Variants in AGBL4 observed in about 807,000 individuals in gnomAD.
The protein encoded by AGBL4 is cytosolic carboxypeptidase 6.
AGBL4 carries 58 observed loss-of-function variants against 66.4 expected under a neutral mutation model. The observed-to-expected ratio is 0.87, with a 90% CI of 0.71 to 1.09. AGBL4 has a LOEUF of 1.09. Among genes scored for constraint, AGBL4 ranks in the 50% least tolerant of loss-of-function variants. The pLI is 0.00. For synonymous variants in AGBL4, 234 were observed against 222.9 expected (o/e 1.05, Z -0.44); for missense variants, 579 against 631.0 (o/e 0.92, Z 0.88).
chr1:48,658,191 T>C (rs938503943), intron 7 of AGBL4, among the ~76,000 whole-genome samples: 2 of 152,258 alleles, frequency 1.3e-5, no homozygotes, highest in African/African-American at 4.8e-5. Flanking sequence ...GACCCAGTTC[T>C]GCTGGCTTCA....
intron 1 of AGBL4, among the ~76,000 whole-genome samples, chr1:50,010,527 A>C (rs1006361067): frequency 1.5e-4 from 23 of 151,980 alleles, no homozygotes; most frequent in Non-Finnish European, 2.8e-4. Context: ...AAGCAAAAAA[A>C]CAAAACAAAA....
intron 3 of AGBL4, among the ~76,000 whole-genome samples, chr1:49,359,992 C>T (rs959910704): frequency 2.0e-5 from 3 of 152,092 alleles, no homozygotes; most frequent in Admixed American, 6.6e-5. Context: ...TGAGTGTCGA[C>T]GTGCACCATG....
At chr1:49,880,770 C>T (rs1389132141) in intron 1 of AGBL4, among the ~76,000 whole-genome samples, 1 of 152,022 alleles carries the variant, frequency 6.6e-6, no homozygotes, top group East Asian at 1.9e-4. Flanking sequence ...TTGCTGCCGC[C>T]TTGCAGTTTG....
At chr1:49,917,794 C>G (rs1381018746) in intron 1 of AGBL4, among the ~76,000 whole-genome samples, 1 of 152,188 alleles carries the variant, frequency 6.6e-6, no homozygotes, top group African/African-American at 2.4e-5. Context: ...CTTCTCAGCA[C>G]CACACCACAC....
chr1:48,873,555 T>G (rs1648903341), intron 5 of AGBL4, among the ~76,000 whole-genome samples: 1 of 152,098 alleles, frequency 6.6e-6, no homozygotes, highest in African/African-American at 2.4e-5. Context: ...CTGTGCCCTC[T>G]TTATTTCTCT....
chr1:48,847,231 C>T (rs141645648), intron 6 of AGBL4, among the ~76,000 whole-genome samples: 5,514 of 152,124 alleles, frequency 0.036, 336 homozygotes, highest in African/African-American at 0.13. Flanking sequence ...ACCCAGGAAG[C>T]GGAGGTTGCA....
At chr1:49,415,635 A>G (rs1645410698) in intron 3 of AGBL4, among the ~76,000 whole-genome samples, 1 of 152,144 alleles carries the variant, frequency 6.6e-6, no homozygotes, top group Non-Finnish European at 1.5e-5. Flanking sequence ...TATGAACTTT[A>G]TCCTTAAAGC....
intron 2 of AGBL4, among the ~76,000 whole-genome samples, chr1:49,784,828 A>G (rs1644414460): frequency 6.6e-6 from 1 of 152,056 alleles, no homozygotes; most frequent in African/African-American, 2.4e-5. Flanking sequence ...AATGGAAAAC[A>G]AATACATTAA....
At chr1:49,102,917 G>A (rs565616747) in intron 4 of AGBL4, among the ~76,000 whole-genome samples, 2 of 152,144 alleles carry the variant, frequency 1.3e-5, no homozygotes, top group Non-Finnish European at 2.9e-5. Flanking sequence ...AGGACAAAGA[G>A]AGATTTTTCT....
chr1:48,551,722 T>C (rs1053640267), intron 11 of AGBL4, among the ~76,000 whole-genome samples: 2 of 152,084 alleles, frequency 1.3e-5, no homozygotes, highest in Admixed American at 1.3e-4. Context: ...TGGTTTCCTC[T>C]CCTGTAAAAT....
chr1:49,286,779 C>T (rs992396034), intron 3 of AGBL4, among the ~76,000 whole-genome samples: 2 of 152,028 alleles, frequency 1.3e-5, no homozygotes, highest in Non-Finnish European at 2.9e-5. Context: ...TGAAAATGGC[C>T]ATACTGCCTA....
intron 4 of AGBL4, among the ~76,000 whole-genome samples, chr1:49,207,507 T>TTCTCTC (rs1407456598): frequency 6.8e-5 from 10 of 147,534 alleles, no homozygotes; most frequent in East Asian, 2.0e-4. Flanking sequence ...CTTTCTTTCT[T>TTCTCTC]TTTCTTTCTT....
intron 3 of AGBL4, among the ~76,000 whole-genome samples, chr1:49,518,962 G>A (rs975079973): frequency 6.6e-6 from 1 of 151,966 alleles, no homozygotes; most frequent in African/African-American, 2.4e-5. Context: ...TCAGATCTCT[G>A]GAGGGTTATA....
At chr1:48,585,914 C>T (rs1644811245) in intron 11 of AGBL4, 2 of 151,976 alleles carry the variant, frequency 1.3e-5, no homozygotes, top group Admixed American at 6.5e-5. Context: ...AGAGGAATTC[C>T]ATAAACACTC....
chr1:48,902,155 A>G (rs769106488), intron 5 of AGBL4, among the ~76,000 whole-genome samples: 4 of 152,196 alleles, frequency 2.6e-5, no homozygotes, highest in Non-Finnish European at 5.9e-5. Context: ...TCAAGCTGAG[A>G]TTTGGGTGGG....
At chr1:49,511,143 G>C (rs1461258276) in intron 3 of AGBL4, among the ~76,000 whole-genome samples, 1 of 151,732 alleles carries the variant, frequency 6.6e-6, no homozygotes, top group South Asian at 2.1e-4. Flanking sequence ...CTGCTATAAA[G>C]ACACACACAC....
intron 4 of AGBL4, among the ~76,000 whole-genome samples, chr1:49,076,401 G>A (rs1197755098): frequency 6.6e-6 from 1 of 152,052 alleles, no homozygotes; most frequent in African/African-American, 2.4e-5. Context: ...TTGTTGTATT[G>A]TTGAATCCAT....
intron 3 of AGBL4, among the ~76,000 whole-genome samples, chr1:49,479,634 CTCTT>C (rs1240198216): frequency 6.6e-6 from 1 of 151,634 alleles, no homozygotes; most frequent in African/African-American, 2.4e-5. Flanking sequence ...AGGACACGAT[CTCTT>C]TCTTTTTTTT....
intron 2 of AGBL4, among the ~76,000 whole-genome samples, chr1:49,825,669 G>C (rs933646954): frequency 6.6e-6 from 1 of 152,138 alleles, no homozygotes. Context: ...CCAATCAGTT[G>C]AAGACTTGAA....
Sources: allele counts gnomAD v4.1 joint callset (sites outside exome capture counted in the v4.1 genomes callset), GRCh38; gene constraint gnomAD v4.1.1; transcripts MANE v1.5; gene names NCBI Gene and HGNC (gene_info 2026-07-23, HGNC 2026-07-21).